Variants in DCDC2 observed in about 807,000 individuals in gnomAD.
The protein encoded by DCDC2 is doublecortin domain containing 2.
Under a neutral mutation model 50.2 loss-of-function variants are expected in DCDC2, and 40 were observed. The ratio of observed to expected loss-of-function variants is 0.80; its 90% CI spans 0.62 to 1.04. The LOEUF (loss-of-function observed/expected upper bound fraction) is 1.04. Ranked by LOEUF, DCDC2 falls within the 50% of genes least tolerant of loss-of-function variation. The probability of loss-of-function intolerance (pLI) is 0.00; values close to 1 mark genes in which losing one functional copy is unlikely to be tolerated. For missense variants in DCDC2, 570 were observed against 581.9 expected, an observed-to-expected ratio of 0.98 and a Z score of 0.21; for synonymous variants, 234 against 210.6, an observed-to-expected ratio of 1.11 and a Z score of -0.96.
chr6:24,227,965 G>T (rs192361482), intron 7 of DCDC2, among the ~76,000 whole-genome samples: 118 of 152,280 alleles, frequency 7.7e-4, no homozygotes, highest in African/African-American at 2.6e-3. Context: ...CTACTTGCTG[G>T]TTCTATCTTA....
chr6:24,381,803 AAAGGAAGGAAGGAAGGAAGG>A, the DCDC2 span, among the ~76,000 whole-genome samples: 920 of 67,274 alleles, frequency 0.014, 6 homozygotes, highest in African/African-American at 0.023. Flanking sequence ...GGAAGGAAAG[AAAGGAAGGAAGGAAGGAAGG>A]AAGGAAGGAA....
At chr6:24,253,422 T>A (rs1391859519) in intron 7 of DCDC2, among the ~76,000 whole-genome samples, 1 of 152,172 alleles carries the variant, frequency 6.6e-6, no homozygotes, top group African/African-American at 2.4e-5. Context: ...AAACTGATGC[T>A]GGAAAAAATG....
In DCDC2 at chr6:24,290,934, A is replaced by G; in HGVS notation, c.702T>C (p.Phe234=). Residue 234 remains phenylalanine (F), a splice_region_variant and synonymous_variant, in exon 5 of 10, where the codon TTT becomes TTC. Transcript: ENST00000378454. ...LFDKSTMRRP[F]GQKASSLPPI... ...GAGTGGTAAGGAGTAAGACTTACCC[A>G]AAAGGCCTTCTCATCGTTGACTTGT... 1 of 1,613,242 alleles carries G rather than the reference A, an allele frequency of 6.2e-7. No individual in the cohort carries two copies. The highest frequency in any genetic ancestry group is 8.5e-7 in the Non-Finnish European group (1 of 1,179,760).
At chr6:24,353,955 T>C (rs1760421156) in intron 1 of DCDC2, among the ~76,000 whole-genome samples, 1 of 152,202 alleles carries the variant, frequency 6.6e-6, no homozygotes, top group African/African-American at 2.4e-5. Context: ...GAGTGGCTTA[T>C]GTGCAAAGCT....
At chr6:24,238,906 G>GC (rs1340045487) in intron 7 of DCDC2, among the ~76,000 whole-genome samples, 7 of 152,206 alleles carry the variant, frequency 4.6e-5, no homozygotes, top group Non-Finnish European at 1.0e-4. Flanking sequence ...AACATGAGCT[G>GC]CCTCAAGGTG....
At chr6:24,226,135 A>C (rs1220635833) in intron 7 of DCDC2, among the ~76,000 whole-genome samples, 1 of 151,348 alleles carries the variant, frequency 6.6e-6, no homozygotes, top group East Asian at 2.1e-4. Context: ...ATCGGAAATA[A>C]ACATCCATTG....
chr6:24,219,393 G>A lies in DCDC2; in HGVS notation c.923-14291C>T, dbSNP rs1399011570. 4.6e-5 allele frequency among the ~76,000 whole-genome samples: 7 copies of A among 152,068 alleles called. No individual in the cohort carries two copies. In the South Asian group the frequency reaches 1.0e-3, roughly 23 times the overall value. On this transcript the variant is annotated intron_variant, in intron 7 of 9. Transcript: ENST00000378454. The stretch of plus-strand genomic sequence containing the variant: ...AACTACTAGAACCTGCATTTTACAC[G>A]AGAAACGGAGATATTTTCAAGTTCA...
Position 24,357,554 on chromosome 6 carries a change from T to C in DCDC2, c.197A>G (p.Tyr66Cys), listed in dbSNP as rs1760497355. 3.7e-6 allele frequency: 6 copies of C among 1,613,494 alleles called. No individual in the cohort carries two copies. Among genetic ancestry groups the C allele is most frequent in the Non-Finnish European group, 5.1e-6 (6 of 1,180,024 alleles). Residue 66 changes from tyrosine (Y) to cysteine (C), a missense_variant, in exon 1 of 10, where the codon TAC becomes TGC. Tyr to Cys is a radical substitution (Grantham distance 194). Transcript: ENST00000378454. ...GATTCGGTGGCCAGTCCGCGGGGTG[T>C]AGATGTTCCTGACGGCCCCAAAGGG... is the stretch of plus-strand genomic sequence containing the variant. The part of the protein sequence containing the change: ...QAPFGAVRNI[Y>C]TPRTGHRIRK...
At chr6:24,352,516 G>T (rs1184111298) in intron 2 of DCDC2, among the ~76,000 whole-genome samples, 1 of 152,104 alleles carries the variant, frequency 6.6e-6, no homozygotes, top group African/African-American at 2.4e-5. Context: ...GAAAATACAA[G>T]CCAAAATATT....
chr6:24,294,703 C>T (rs1273276443), intron 4 of DCDC2, among the ~76,000 whole-genome samples: 1 of 152,036 alleles, frequency 6.6e-6, no homozygotes, highest in African/African-American at 2.4e-5. Flanking sequence ...CCTCTATGCA[C>T]ACACTAGAAA....
chr6:24,359,455 TTA>T (rs1462480869), upstream of DCDC2, among the ~76,000 whole-genome samples: 2 of 54,012 alleles, frequency 3.7e-5, no homozygotes, highest in South Asian at 6.8e-4. Flanking sequence ...GTATATATAT[TTA>T]TATATACTAT....
Position 24,178,418 on chromosome 6 carries a change from C to A in DCDC2, c.1238G>T (p.Gly413Val), listed in dbSNP as rs1471197198. 4 of 1,614,202 alleles carry A rather than the reference C, an allele frequency of 2.5e-6. No homozygotes were observed. Among genetic ancestry groups the A allele is most frequent in the Admixed American group, 1.7e-5 (1 of 60,020 alleles). ...ATTATTAACCTGCTGCAGCTCCTCA[C>A]CATTCTCCTCATCGGTGCCTCCATT... Reference protein sequence around the residue: ...RVNGGTDEENGEELQQVNNEL... With the variant: ...RVNGGTDEENVEELQQVNNEL... Residue 413 changes from glycine to valine, a missense_variant, in exon 9 of 10, where the codon GGT becomes GTT. Coordinates refer to ENST00000378454, the MANE Select transcript of DCDC2 (RefSeq NM_016356.5).
intron 7 of DCDC2, among the ~76,000 whole-genome samples, chr6:24,226,820 C>G (rs1321502547): frequency 6.6e-6 from 1 of 152,142 alleles, no homozygotes; most frequent in African/African-American, 2.4e-5. Flanking sequence ...AGGTTTCTCA[C>G]TTAGGCATCT....
chr6:24,345,481 C>T (rs181532398), intron 2 of DCDC2, among the ~76,000 whole-genome samples: 9 of 152,312 alleles, frequency 5.9e-5, no homozygotes, highest in African/African-American at 2.2e-4. Flanking sequence ...CTCTCTTCCT[C>T]TCCTGGTACT....
At chr6:24,365,263 C>A in the DCDC2 span, among the ~76,000 whole-genome samples, 2 of 152,230 alleles carry the variant, frequency 1.3e-5, no homozygotes, top group African/African-American at 4.8e-5. Flanking sequence ...TCCTCTACTG[C>A]TCATCCTCAT....
chr6:24,284,915 A>G (rs1354000984), intron 6 of DCDC2, among the ~76,000 whole-genome samples: 7 of 152,126 alleles, frequency 4.6e-5, no homozygotes, highest in Non-Finnish European at 8.8e-5. Context: ...AATTTTATAT[A>G]AATCAATGCC....
chr6:24,216,447 A>T (rs1306233340), intron 7 of DCDC2, among the ~76,000 whole-genome samples: 3 of 152,232 alleles, frequency 2.0e-5, no homozygotes, highest in African/African-American at 7.2e-5. Context: ...TCACCTAAGT[A>T]ACAGTAATTA....
intron 8 of DCDC2, 96 bp from the exon 9 acceptor site, chr6:24,178,728 G>T: frequency 4.8e-6 from 6 of 1,246,024 alleles, no homozygotes; most frequent in Non-Finnish European, 6.7e-6. Context: ...TTACAGTCAA[G>T]TAAAACATTC....
intron 7 of DCDC2, among the ~76,000 whole-genome samples, chr6:24,217,599 AAATTGGCACAGGTAATAGGCCTG>A (rs1419710903): frequency 2.6e-5 from 4 of 152,214 alleles, no homozygotes; most frequent in African/African-American, 9.6e-5. Context: ...CACCTAATCT[AAATTGGCACAGGTAATAGGCCTG>A]AATTGCTCAT....
Sources: allele counts gnomAD v4.1 joint callset (sites outside exome capture counted in the v4.1 genomes callset), GRCh38; gene constraint gnomAD v4.1.1; transcripts MANE v1.5; gene names NCBI Gene and HGNC (gene_info 2026-07-23, HGNC 2026-07-21).